The following FNBP1 variants were observed in gnomAD, a reference collection of about 807,000 sequenced individuals.
FNBP1 encodes formin-binding protein 1.
In FNBP1, 26 loss-of-function variants were observed where a neutral mutation model predicts 90.6. The ratio of observed to expected loss-of-function variants is 0.29; its 90% CI spans 0.21 to 0.40. The LOEUF is 0.40. Among genes scored for constraint, FNBP1 ranks in the 10% least tolerant of loss-of-function variants. FNBP1 has a pLI of 1.00. For synonymous variants in FNBP1, 260 were observed against 265.2 expected (o/e 0.98, Z 0.19); for missense variants, 635 against 768.0 (o/e 0.83, Z 2.05).
intron 16 of FNBP1, among the ~76,000 whole-genome samples, chr9:129,894,636 C>T (rs2035454116): frequency 6.6e-6 from 1 of 152,212 alleles, no homozygotes; most frequent in South Asian, 2.1e-4. Flanking sequence ...AGCGTGAGTG[C>T]AGCTCTACTT....
chr9:129,979,986 A>G (rs1326614171), intron 2 of FNBP1, among the ~76,000 whole-genome samples: 1 of 151,744 alleles, frequency 6.6e-6, no homozygotes, highest in Non-Finnish European at 1.5e-5. Flanking sequence ...TTTTCTTCTC[A>G]GGCCACCATT....
intron 10 of FNBP1, among the ~76,000 whole-genome samples, chr9:129,921,054 G>A (rs943686461): frequency 1.2e-4 from 18 of 151,928 alleles, no homozygotes; most frequent in African/African-American, 3.9e-4. Context: ...TTCCACCAAC[G>A]GCTTTTTTCA....
At chr9:129,911,614 T>G (rs576173722) in intron 11 of FNBP1, among the ~76,000 whole-genome samples, 1 of 152,270 alleles carries the variant, frequency 6.6e-6, no homozygotes, top group African/African-American at 2.4e-5. Context: ...ATCTGTATTT[T>G]TAATAATATC....
intron 15 of FNBP1, among the ~76,000 whole-genome samples, chr9:129,897,970 C>T (rs1042352303): frequency 2.6e-5 from 4 of 152,116 alleles, no homozygotes; most frequent in Non-Finnish European, 5.9e-5. Context: ...GCTGGGATTA[C>T]AGGCGCCCGC....
intron 2 of FNBP1, among the ~76,000 whole-genome samples, chr9:129,981,405 A>C (rs1363244766): frequency 1.3e-5 from 2 of 152,180 alleles, no homozygotes; most frequent in Non-Finnish European, 2.9e-5. Context: ...AGTAATCCAC[A>C]GTAGGAACTC....
chr9:130,032,680 A>G (rs1001470709), intron 1 of FNBP1, among the ~76,000 whole-genome samples: 1 of 152,170 alleles, frequency 6.6e-6, no homozygotes, highest in East Asian at 1.9e-4. Context: ...AATTCATTAG[A>G]TGTTTCAAGC....
chr9:130,002,447 G>A (rs189756267), intron 1 of FNBP1, among the ~76,000 whole-genome samples: 1 of 152,088 alleles, frequency 6.6e-6, no homozygotes, highest in African/African-American at 2.4e-5. Flanking sequence ...CGTCCTTGAC[G>A]TAATGGGTGA....
chr9:130,039,861 G>A (rs936212494), intron 1 of FNBP1, among the ~76,000 whole-genome samples: 6 of 152,074 alleles, frequency 3.9e-5, no homozygotes, highest in Admixed American at 3.9e-4. Flanking sequence ...TTAACCTGAA[G>A]TCCTAAAATG....
At chr9:129,911,389 G>A (rs552034740) in intron 11 of FNBP1, among the ~76,000 whole-genome samples, 2 of 152,296 alleles carry the variant, frequency 1.3e-5, no homozygotes, top group Admixed American at 6.5e-5. Context: ...GCCCTGCTGG[G>A]TGTCACTACC....
Position 130,042,218 on chromosome 9 carries a change from T to C in FNBP1, c.24+734A>G, listed in dbSNP as rs2132462087. 6.6e-6 allele frequency among the ~76,000 whole-genome samples: 1 copy of C among 152,200 alleles called. No homozygotes were observed. The highest frequency in any genetic ancestry group is 1.5e-5 in the Non-Finnish European group (1 of 67,996). ...CGCCAACTTTCCCCACTGGAAACTA[T>C]TCTCCGAGCAACCGTTAAAGATCAT... On this transcript the variant is annotated intron_variant, in intron 1 of 16. Transcript: ENST00000446176. This position sits in a 1 kb window ranked among gnomAD's most constrained non-coding sequence, Gnocchi z 5.5.
chr9:130,042,006 G>A lies in FNBP1; in HGVS notation c.24+946C>T, dbSNP rs1407566. ...CAGTGCAGTAACTGAGATTTCGTCTGCTCCTTCCCGGGCCGCCGCACTGCC... is the reference window on the plus strand; with the variant it reads ...CAGTGCAGTAACTGAGATTTCGTCTACTCCTTCCCGGGCCGCCGCACTGCC... On this transcript the variant is annotated intron_variant, in intron 1 of 16. Coordinates refer to ENST00000446176, the MANE Select transcript of FNBP1 (RefSeq NM_015033.3). The surrounding 1 kb of genome is among the most constrained non-coding windows in gnomAD (Gnocchi z 5.5). Among the ~76,000 whole-genome samples, 146,094 of 152,048 alleles carry A rather than the reference G, an allele frequency of 0.96. 70,319 individuals are homozygous for A. The highest frequency in any genetic ancestry group is 1 in the East Asian group (5,148 of 5,148).
intron 1 of FNBP1, among the ~76,000 whole-genome samples, chr9:130,020,793 T>C (rs2057752543): frequency 6.6e-6 from 1 of 152,130 alleles, no homozygotes; most frequent in Non-Finnish European, 1.5e-5. Context: ...TTCGAGAACT[T>C]TGAAAAGCTG....
chr9:129,907,880 C>T lies in FNBP1; in HGVS notation c.1295+1010G>A, dbSNP rs553677283. Among the ~76,000 whole-genome samples the T allele has an allele frequency of 4.1e-4, 62 of 151,904 alleles. No homozygotes were observed. The Middle Eastern group carries it at 0.014, about 33-fold the overall frequency. On this transcript the variant is annotated intron_variant, in intron 12 of 16. Transcript: ENST00000446176. ...AGTAGCTGGGACTATAGGCGCCCGC[C>T]ACCATGCGAGCTAATTTTTTGTAAT...
At chr9:129,940,508 G>A (rs1013701783) in intron 6 of FNBP1, among the ~76,000 whole-genome samples, 13 of 152,010 alleles carry the variant, frequency 8.6e-5, no homozygotes, top group African/African-American at 2.2e-4. Flanking sequence ...GTTATGAGGC[G>A]TGGGGAACAG....
At chr9:130,027,894 C>A (rs965314920) in intron 1 of FNBP1, among the ~76,000 whole-genome samples, 1 of 151,874 alleles carries the variant, frequency 6.6e-6, no homozygotes, top group Admixed American at 6.6e-5. Context: ...AAGAAAAAAA[C>A]GCACGGCTAT....
intron 8 of FNBP1, 86 bp from the exon 9 acceptor site, chr9:129,925,243 A>C: frequency 6.6e-6 from 7 of 1,055,322 alleles, no homozygotes; most frequent in Non-Finnish European, 1.0e-5. Context: ...GCGGTGGCTC[A>C]TGCCTGTAAT....
intron 2 of FNBP1, among the ~76,000 whole-genome samples, 169 bp from the exon 3 acceptor site, chr9:129,979,543 T>C (rs1564489309): frequency 6.6e-6 from 1 of 152,242 alleles, no homozygotes; most frequent in African/African-American, 2.4e-5. Flanking sequence ...GCTACTGTTA[T>C]TAAGAACGTG....
intron 10 of FNBP1, among the ~76,000 whole-genome samples, chr9:129,920,592 G>A (rs762694443): frequency 2.0e-5 from 3 of 152,126 alleles, no homozygotes; most frequent in Admixed American, 6.6e-5. Flanking sequence ...GAGCCACAAC[G>A]CCCAGCTTAT....
At position 129,911,579 on chromosome 9, in the gene FNBP1, C is replaced by G. The variant is rs183863134; in HGVS notation, c.1186-2580G>C. On this transcript the variant is annotated intron_variant, in intron 11 of 16. Coordinates refer to ENST00000446176, the MANE Select transcript of FNBP1 (RefSeq NM_015033.3). ...CATGGATGCTCTGTGCCCCCTCCCC[C>G]ACACCTTGCCCTAAGCATCTCTTCA... Among the ~76,000 whole-genome samples the G allele has an allele frequency of 3.3e-5, 5 of 152,298 alleles. No individual in the cohort carries two copies. The East Asian group carries it at 9.7e-4, about 29-fold the overall frequency.
Sources: gnomAD v4.1 joint callset for allele counts (sites outside exome capture counted in the v4.1 genomes callset) on GRCh38, gnomAD v4.1.1 for gene constraint, Gnocchi (gnomAD v3.1) non-coding constraint, MANE v1.5 for transcripts, NCBI Gene and HGNC (gene_info 2026-07-23, HGNC 2026-07-21) for gene names.